IFNG-AS1: variants seen among roughly 807,000 people sequenced by gnomAD.
The protein encoded by IFNG-AS1 is IFNG regulatory antisense RNA 1, also known as IFNG antisense RNA 1 (non-protein coding).
chr12:67,993,101 G>A (rs547988491), intron 1 of IFNG-AS1, among the ~76,000 whole-genome samples: 26 of 152,296 alleles, frequency 1.7e-4, no homozygotes, highest in African/African-American at 5.8e-4. Context: ...CATTAGGCTC[G>A]AATCACTTTG....
chr12:68,006,569 A>G (rs1446346109), intron 3 of IFNG-AS1, among the ~76,000 whole-genome samples: 1 of 152,192 alleles, frequency 6.6e-6, no homozygotes, highest in African/African-American at 2.4e-5. Context: ...TAATTAGGTT[A>G]CATTATAGGT....
chr12:68,006,852 G>T (rs969689709), intron 3 of IFNG-AS1, among the ~76,000 whole-genome samples: 5 of 152,216 alleles, frequency 3.3e-5, no homozygotes, highest in African/African-American at 1.2e-4. Flanking sequence ...AGTCCCAGCT[G>T]ATCCCTTGAC....
intron 3 of IFNG-AS1, among the ~76,000 whole-genome samples, chr12:68,016,281 T>A (rs1880154891): frequency 6.6e-6 from 1 of 152,154 alleles, no homozygotes; most frequent in South Asian, 2.1e-4. Context: ...GCTCCCTGCC[T>A]CAGAATCACT....
chr12:68,015,702 G>A (rs558327930), intron 3 of IFNG-AS1, among the ~76,000 whole-genome samples: 16 of 152,224 alleles, frequency 1.1e-4, no homozygotes, highest in Non-Finnish European at 1.9e-4. Flanking sequence ...ATAGTAAAGA[G>A]GAGTCAAAGA....
chr12:68,016,026 G>A (rs1170176254), intron 3 of IFNG-AS1, among the ~76,000 whole-genome samples: 7 of 152,040 alleles, frequency 4.6e-5, no homozygotes, highest in African/African-American at 1.7e-4. Context: ...TCTAGTAAAA[G>A]TTCTTGAAAG....
intron 2 of IFNG-AS1, among the ~76,000 whole-genome samples, chr12:67,998,725 A>G (rs1277272137): frequency 6.6e-6 from 1 of 152,164 alleles, no homozygotes; most frequent in Non-Finnish European, 1.5e-5. Context: ...ATTACAAACC[A>G]CACTGAAGGG....
intron 2 of IFNG-AS1, among the ~76,000 whole-genome samples, chr12:68,003,419 TCCCC>T: frequency 7.3e-6 from 1 of 137,282 alleles, no homozygotes; most frequent in Admixed American, 7.5e-5. Context: ...CTAATCATAT[TCCCC>T]CCTTTTTTTT....
At chr12:68,016,716 T>C (rs2120479639) in intron 3 of IFNG-AS1, among the ~76,000 whole-genome samples, 1 of 152,316 alleles carries the variant, frequency 6.6e-6, no homozygotes, top group African/African-American at 2.4e-5. Context: ...GTATTTGCTT[T>C]TAAGTGGAAT....
intron 2 of IFNG-AS1, among the ~76,000 whole-genome samples, chr12:68,000,279 G>T (rs948384582): frequency 6.6e-6 from 1 of 152,010 alleles, no homozygotes; most frequent in African/African-American, 2.4e-5. Flanking sequence ...GAAAGAAAAG[G>T]TATTTAAAAA....
intron 1 of IFNG-AS1, among the ~76,000 whole-genome samples, chr12:67,995,284 G>A (rs1879609629): frequency 6.6e-6 from 1 of 151,658 alleles, no homozygotes; most frequent in Non-Finnish European, 1.5e-5. Context: ...AGCTGGGCAT[G>A]GTGGCGCGTG....
chr12:68,004,396 A>T (rs1879860002), intron 2 of IFNG-AS1, among the ~76,000 whole-genome samples: 1 of 151,972 alleles, frequency 6.6e-6, no homozygotes, highest in African/African-American at 2.4e-5. Flanking sequence ...ATCTTCCCAG[A>T]TTCCTCTCTT....
At chr12:67,991,893 T>A (rs2120407786) in intron 1 of IFNG-AS1, among the ~76,000 whole-genome samples, 1 of 152,358 alleles carries the variant, frequency 6.6e-6, no homozygotes, top group Middle Eastern at 3.4e-3. Context: ...TTATCTAGAA[T>A]GAAATAATAA....
In IFNG-AS1 at chr12:68,005,189, T is replaced by C. The variant is rs528734066; in HGVS notation, n.185-901T>C. ...AAATTAAAGGGGGAGCGGGTAATAA[T>C]GCCTGCACCTACTCTCCAGAGGGAA... On this transcript the variant is annotated intron_variant and non_coding_transcript_variant, in intron 2 of 5. Transcript: ENST00000536914. Among the ~76,000 whole-genome samples, 4 of 152,312 alleles carry C rather than the reference T, an allele frequency of 2.6e-5. No individual in the cohort carries two copies. In the South Asian group the frequency reaches 6.2e-4, roughly 24 times the overall value.
chr12:68,018,568 G>A (rs1029844775), intron 3 of IFNG-AS1, among the ~76,000 whole-genome samples: 1 of 151,988 alleles, frequency 6.6e-6, no homozygotes, highest in South Asian at 2.1e-4. Context: ...CTCTTCCTGA[G>A]CAATGTGGGG....
At chr12:68,001,263 CAAAGATA>C (rs1807994893) in intron 2 of IFNG-AS1, 1 of 152,228 alleles carries the variant, frequency 6.6e-6, no homozygotes, top group Non-Finnish European at 1.5e-5. Context: ...GGCACAGAAA[CAAAGATA>C]AAACATTTTT....
intron 1 of IFNG-AS1, among the ~76,000 whole-genome samples, chr12:67,994,479 G>T (rs1306693936): frequency 6.6e-6 from 1 of 152,158 alleles, no homozygotes; most frequent in African/African-American, 2.4e-5. Context: ...TATTTCTTGA[G>T]TAAACAAATA....
chr12:68,002,574 C>T (rs2860600), intron 2 of IFNG-AS1, among the ~76,000 whole-genome samples: 142,259 of 152,210 alleles, frequency 0.93, 67,147 homozygotes, highest in Non-Finnish European at 1. Context: ...ATTCTGCCAA[C>T]AGTTTTCCAA....
At chr12:68,007,053 A>G (rs1879922434) in intron 3 of IFNG-AS1, among the ~76,000 whole-genome samples, 1 of 152,248 alleles carries the variant, frequency 6.6e-6, no homozygotes, top group Non-Finnish European at 1.5e-5. Flanking sequence ...GTGCTTATCT[A>G]TAAAAACAGT....
At chr12:67,990,857 G>A (rs190391270) in intron 1 of IFNG-AS1, among the ~76,000 whole-genome samples, 118 of 152,202 alleles carry the variant, frequency 7.8e-4, no homozygotes, top group African/African-American at 2.6e-3. Flanking sequence ...CTCTCAAAGT[G>A]CTGGGATTAC....
Sources: allele counts gnomAD v4.1 joint callset (sites outside exome capture counted in the v4.1 genomes callset), GRCh38; gene constraint gnomAD v4.1.1; transcripts MANE v1.5; gene names NCBI Gene and HGNC (gene_info 2026-07-23, HGNC 2026-07-21).